The following NRXN3 variants were observed in gnomAD, a reference collection of about 807,000 sequenced individuals.
NRXN3 encodes neurexin 3.
In NRXN3, 32 loss-of-function variants were observed where a neutral mutation model predicts 137.6. The observed-to-expected ratio is 0.23, with a 90% CI of 0.18 to 0.31. NRXN3 has a LOEUF of 0.31. NRXN3 is among the 10% of genes least tolerant of loss of function. The pLI is 1.00. For synonymous variants in NRXN3, 798 were observed against 784.5 expected (o/e 1.02, Z -0.29); for missense variants, 1,574 against 2,062.5 (o/e 0.76, Z 4.59).
intron 15 of NRXN3, among the ~76,000 whole-genome samples, chr14:79,122,979 G>A (rs1351806294): frequency 2.6e-5 from 4 of 152,184 alleles, no homozygotes. Flanking sequence ...TTTCATGAAA[G>A]TAATGAAAAT....
intron 15 of NRXN3, among the ~76,000 whole-genome samples, chr14:79,032,732 C>A (rs2099610066): frequency 6.6e-6 from 1 of 152,134 alleles, no homozygotes; most frequent in South Asian, 2.1e-4. Flanking sequence ...AATGACTTTT[C>A]ATTTCTTTCA....
chr14:78,523,750 G>A (rs1272210454), intron 4 of NRXN3, among the ~76,000 whole-genome samples: 1 of 143,688 alleles, frequency 7.0e-6, no homozygotes, highest in Non-Finnish European at 1.5e-5. Flanking sequence ...CCAGGAGGCG[G>A]AGCTTGCAGT....
At chr14:78,290,423 C>A (rs555841122) in intron 3 of NRXN3, among the ~76,000 whole-genome samples, 4 of 152,218 alleles carry the variant, frequency 2.6e-5, no homozygotes, top group African/African-American at 9.6e-5. Context: ...GAACCCTGGG[C>A]AGAAAAAGTA....
chr14:79,568,632 T>C (rs1357119655), intron 16 of NRXN3, among the ~76,000 whole-genome samples: 1 of 152,230 alleles, frequency 6.6e-6, no homozygotes, highest in African/African-American at 2.4e-5. Flanking sequence ...AGACTCCTCC[T>C]GTGGCTTTTA....
At chr14:79,824,397 T>C (rs7158009) in intron 20 of NRXN3, among the ~76,000 whole-genome samples, 1,544 of 29,950 alleles carry the variant, frequency 0.052, 20 homozygotes, top group African/African-American at 0.13. Flanking sequence ...TCAGGGTTTT[T>C]TGATGGTTTT....
chr14:78,772,548 A>C (rs2153000946), intron 8 of NRXN3, among the ~76,000 whole-genome samples: 1 of 152,356 alleles, frequency 6.6e-6, no homozygotes, highest in East Asian at 1.9e-4. Flanking sequence ...CAATGATAAA[A>C]AGGAATCAAT....
chr14:78,232,387 G>A (rs1373854242), intron 1 of NRXN3, among the ~76,000 whole-genome samples: 1 of 152,058 alleles, frequency 6.6e-6, no homozygotes, highest in African/African-American at 2.4e-5. Flanking sequence ...AGACATGATT[G>A]CTGGGCAGGC....
Position 78,252,275 on chromosome 14 carries a change from AGT to A in NRXN3, c.709+8474_709+8475del, listed in dbSNP as rs2153463090. Among the ~76,000 whole-genome samples, 3 of 152,058 alleles carry A rather than the reference AGT, an allele frequency of 2.0e-5. 1 individual carries two copies. The South Asian group carries it at 6.2e-4, about 32-fold the overall frequency. The stretch of plus-strand genomic sequence containing the variant: ...CTGTGACAAAACTTACTTTGCATCT[AGT>A]CCTAGAAATTGTGAACTCTTTGGCT... On this transcript the variant is annotated intron_variant, in intron 2 of 20. Transcript: ENST00000335750.
intron 15 of NRXN3, chr14:79,279,875 G>A: frequency 9.8e-7 from 1 of 1,015,848 alleles, no homozygotes; most frequent in Non-Finnish European, 1.2e-6. Context: ...GGTTCGGGCT[G>A]CCTCCTTCTC....
At chr14:78,607,683 A>C (rs1010536429) in intron 4 of NRXN3, among the ~76,000 whole-genome samples, 2 of 152,204 alleles carry the variant, frequency 1.3e-5, no homozygotes, top group African/African-American at 4.8e-5. Flanking sequence ...TATTTGAGTG[A>C]AACTGAACAG....
At chr14:78,941,737 G>T (rs1036951430) in intron 10 of NRXN3, among the ~76,000 whole-genome samples, 1 of 152,206 alleles carries the variant, frequency 6.6e-6, no homozygotes, top group African/African-American at 2.4e-5. Flanking sequence ...TTACTTCCCA[G>T]TATTCTGGGG....
rs556182032 is a variant in NRXN3 at position 79,477,824 on chromosome 14, A to C, written c.3444+10422A>C. Among the ~76,000 whole-genome samples, 45 of 152,242 alleles carry C rather than the reference A, an allele frequency of 3.0e-4. 1 individual carries two copies. Among genetic ancestry groups the C allele is most frequent in the African/African-American group, 8.9e-4 (37 of 41,568 alleles). ...TGAGGATAAAACCAAAGAACAGTTC[A>C]GAGATTGAATCGGCAGGTGTTGTCA... is the stretch of plus-strand genomic sequence containing the variant. On this transcript the variant is annotated intron_variant, in intron 16 of 20. Transcript: ENST00000335750.
chr14:78,780,708 T>C (rs2098766091), intron 8 of NRXN3, among the ~76,000 whole-genome samples: 1 of 152,196 alleles, frequency 6.6e-6, no homozygotes, highest in African/African-American at 2.4e-5. Context: ...TAAAAGCATG[T>C]ATAGCCACAC....
chr14:78,450,145 A>G (rs975827629), intron 4 of NRXN3, among the ~76,000 whole-genome samples: 1 of 152,246 alleles, frequency 6.6e-6, no homozygotes, highest in Non-Finnish European at 1.5e-5. Context: ...GACTGTGCAA[A>G]TGACTGGGTA....
intron 10 of NRXN3, among the ~76,000 whole-genome samples, chr14:78,841,824 A>G (rs2099013306): frequency 6.6e-6 from 1 of 152,108 alleles, no homozygotes; most frequent in African/African-American, 2.4e-5. Flanking sequence ...ATTTTAACGA[A>G]GAGTGCTATG....
chr14:78,310,201 T>C (rs2153542023), intron 4 of NRXN3, among the ~76,000 whole-genome samples: 1 of 151,896 alleles, frequency 6.6e-6, no homozygotes, highest in South Asian at 2.1e-4. Context: ...ACAGTCATCA[T>C]GGTTATTTCT....
chr14:78,467,306 C>T (rs1404600453), intron 4 of NRXN3, among the ~76,000 whole-genome samples: 1 of 152,150 alleles, frequency 6.6e-6, no homozygotes, highest in Non-Finnish European at 1.5e-5. Flanking sequence ...TAAATATTTA[C>T]AACTATATTT....
At chr14:78,785,491 C>G (rs2098786305) in intron 8 of NRXN3, among the ~76,000 whole-genome samples, 1 of 152,136 alleles carries the variant, frequency 6.6e-6, no homozygotes, top group South Asian at 2.1e-4. Context: ...GTGACGGAGC[C>G]AGATAACTTG....
intron 10 of NRXN3, among the ~76,000 whole-genome samples, chr14:78,834,349 C>T (rs1299241638): frequency 6.6e-6 from 1 of 152,132 alleles, no homozygotes; most frequent in Admixed American, 6.5e-5. Flanking sequence ...CACTTGGCAC[C>T]TGGGTCCCTC....
Sources: allele counts gnomAD v4.1 joint callset (sites outside exome capture counted in the v4.1 genomes callset), GRCh38; gene constraint gnomAD v4.1.1; transcripts MANE v1.5; gene names NCBI Gene and HGNC (gene_info 2026-07-23, HGNC 2026-07-21).